PVALEF: variants seen among roughly 807,000 people sequenced by gnomAD.
PVALEF encodes the protein parvalbumin like EF-hand containing.
In PVALEF, 2 loss-of-function variants were observed where a neutral mutation model predicts 1.2. That is an observed-to-expected ratio of 1.68 (90% CI 0.69 to 5.28). The LOEUF (loss-of-function observed/expected upper bound fraction) is 5.28, where lower values mean the gene tolerates loss of function less well. Among genes scored for constraint, PVALEF ranks in the 30% most tolerant of loss-of-function variants. PVALEF has a pLI of 0.06. For synonymous variants in PVALEF, 16 were observed against 6.5 expected, an observed-to-expected ratio of 2.47 and a Z score of -2.24; for missense variants, 35 against 17.7, an observed-to-expected ratio of 1.97 and a Z score of -1.75.
At chr17:81,166,091 G>A in intron 1 of PVALEF, 2 of 776,874 alleles carry the variant, frequency 2.6e-6, no homozygotes, top group South Asian at 5.6e-5. Flanking sequence ...GCCGCCGCAG[G>A]TGCGGAGCGC....
rs1216209732 is a variant in PVALEF at position 81,179,020 on chromosome 17, G to T, written c.-237G>T. The T allele has an allele frequency of 4.4e-6, 2 of 450,712 alleles. No homozygotes were observed. The highest frequency in any genetic ancestry group is 1.6e-5 in the South Asian group (1 of 63,738). The allele number at this position is 450,712 out of a possible 1,614,324, so 27.9% of individuals were successfully genotyped here. On this transcript the variant is annotated 5_prime_UTR_variant, in exon 3 of 7. Transcript: ENST00000637878. ...GGAGCTGCCCGTGCCAGGCTGGAGT[G>T]CCGGGGAGGGGCGAGGACAGCTGCA...
chr17:81,180,920 A>T (rs2061551415), intron 3 of PVALEF, among the ~76,000 whole-genome samples: 2 of 152,096 alleles, frequency 1.3e-5, no homozygotes, highest in Non-Finnish European at 2.9e-5. Context: ...GAGCCCCAGA[A>T]CCCAACCCCC....
chr17:81,171,184 C>T (rs1000960244), intron 2 of PVALEF, among the ~76,000 whole-genome samples: 2 of 152,286 alleles, frequency 1.3e-5, no homozygotes, highest in South Asian at 2.1e-4. Context: ...AGCCCATAGT[C>T]GGGGCCAGTG....
intron 2 of PVALEF, among the ~76,000 whole-genome samples, chr17:81,177,699 CGT>C (rs148850242): frequency 0.031 from 4,644 of 152,246 alleles, 99 homozygotes; most frequent in African/African-American, 0.069. Flanking sequence ...CAGCATCAAA[CGT>C]GTGTTCTGCA....
At chr17:81,179,621 C>T (rs990952746) in intron 3 of PVALEF, among the ~76,000 whole-genome samples, 1 of 152,160 alleles carries the variant, frequency 6.6e-6, no homozygotes, top group African/African-American at 2.4e-5. Context: ...GGCTCTGGTC[C>T]CCACACTCTG....
chr17:81,180,405 G>A (rs1235121979), intron 3 of PVALEF, among the ~76,000 whole-genome samples: 1 of 152,010 alleles, frequency 6.6e-6, no homozygotes, highest in Non-Finnish European at 1.5e-5. Context: ...AATGAAGTGG[G>A]GCGGGGCCTG....
At chr17:81,175,258 G>A (rs2061532976) in intron 2 of PVALEF, among the ~76,000 whole-genome samples, 1 of 152,138 alleles carries the variant, frequency 6.6e-6, no homozygotes, top group East Asian at 1.9e-4. Flanking sequence ...ACAAAACATG[G>A]CTGAAAAGAA....
intron 2 of PVALEF, 28 bp downstream of exon 2, chr17:81,166,872 C>G (rs370385934): frequency 2.8e-6 from 1 of 362,324 alleles, no homozygotes; most frequent in Non-Finnish European, 5.7e-6. Context: ...TTGGCCTGGG[C>G]GCTGAGGGGC....
chr17:81,166,261 A>AG (rs570570934), intron 1 of PVALEF, among the ~76,000 whole-genome samples: 22,385 of 61,602 alleles, frequency 0.36, 3,324 homozygotes, highest in Non-Finnish European at 0.4. Context: ...GGCGCGGGGG[A>AG]GGGGGGGGCC....
intron 2 of PVALEF, among the ~76,000 whole-genome samples, chr17:81,174,948 C>CA (rs35163275): frequency 0.099 from 13,003 of 131,618 alleles, 1,227 homozygotes; most frequent in African/African-American, 0.25. Context: ...GACTCCGTCT[C>CA]AAAAAAAAAA....
chr17:81,166,098 G>C (rs1460196754), intron 1 of PVALEF: 1 of 640,836 alleles, frequency 1.6e-6, no homozygotes, highest in Non-Finnish European at 1.9e-6. Flanking sequence ...CAGGTGCGGA[G>C]CGCGCCGGCC....
chr17:81,181,368 C>G (rs1017343494), intron 4 of PVALEF, 36 bp downstream of exon 4: 1 of 627,326 alleles, frequency 1.6e-6, no homozygotes, highest in Middle Eastern at 2.5e-4. Flanking sequence ...GCCCCCCGCC[C>G]GTCCAGCCCC....
chr17:81,182,416 A>C lies in PVALEF; in HGVS notation c.358+335A>C, dbSNP rs1056947258. 2.0e-5 allele frequency among the ~76,000 whole-genome samples: 3 copies of C among 152,276 alleles called. No homozygotes were observed. In the East Asian group the frequency reaches 5.8e-4, roughly 29 times the overall value. On this transcript the variant is annotated intron_variant, in intron 6 of 6. Coordinates refer to ENST00000637878, the MANE Select transcript of PVALEF (RefSeq NM_001354639.2). ...GGCCATCTCACCCCCACACAACCCC[A>C]GTGGCTGGCCACAGGCCTGGAGGGT...
chr17:81,169,442 A>G (rs2061510627), intron 2 of PVALEF, among the ~76,000 whole-genome samples: 2 of 152,206 alleles, frequency 1.3e-5, no homozygotes, highest in Admixed American at 1.3e-4. Flanking sequence ...TACTAAAAAT[A>G]CAAAAATTAA....
At position 81,181,188 on chromosome 17, in the gene PVALEF, G is replaced by A. The variant is rs1476354580; in HGVS notation, c.-39G>A. The A allele has an allele frequency of 4.3e-6, 3 of 702,732 alleles. No individual in the cohort carries two copies. Among genetic ancestry groups the A allele is most frequent in the Non-Finnish European group, 7.8e-6 (3 of 384,640 alleles). The allele number at this position is 702,732 out of a possible 1,614,324, so 43.5% of individuals were successfully genotyped here. On this transcript the variant is annotated 5_prime_UTR_variant, in exon 4 of 7. Transcript: ENST00000637878. ...CAAGCAGCACCCCCAATCCGTGCGT[G>A]CACCCCACGAATTGACTCCCTATCC...
At chr17:81,165,859 G>C in intron 1 of PVALEF, 112 bp downstream of exon 1, 1 of 1,533,440 alleles carries the variant, frequency 6.5e-7, no homozygotes, top group South Asian at 1.2e-5. Flanking sequence ...CATGCAAACC[G>C]GGAGCCGTGG....
intron 6 of PVALEF, among the ~76,000 whole-genome samples, chr17:81,182,489 C>T (rs887340892): frequency 4.6e-5 from 7 of 152,348 alleles, no homozygotes; most frequent in African/African-American, 1.4e-4. Context: ...CTTGCCCAGC[C>T]ACCGGCCGTT....
intron 2 of PVALEF, among the ~76,000 whole-genome samples, chr17:81,170,133 TTGG>T (rs2061515087): frequency 6.7e-6 from 1 of 150,168 alleles, no homozygotes. Context: ...CATGTGTGTG[TTGG>T]TGTGGATGTG....
intron 6 of PVALEF, 127 bp downstream of exon 6, chr17:81,182,208 G>A: frequency 2.5e-6 from 1 of 396,582 alleles, no homozygotes; most frequent in East Asian, 3.6e-5. Context: ...AGGCTCAGGG[G>A]TCTGGGCCGG....
Sources: gnomAD v4.1 joint callset for allele counts (sites outside exome capture counted in the v4.1 genomes callset) on GRCh38, gnomAD v4.1.1 for gene constraint, MANE v1.5 for transcripts, NCBI Gene and HGNC (gene_info 2026-07-23, HGNC 2026-07-21) for gene names.